SPTSSA: variants seen among roughly 807,000 people sequenced by gnomAD.
SPTSSA encodes serine palmitoyltransferase small subunit A, also known as small subunit of serine palmitoyltransferase A.
In SPTSSA, 8 loss-of-function variants were observed where a neutral mutation model predicts 9.1. The observed-to-expected ratio is 0.88, with a 90% CI of 0.51 to 1.58. SPTSSA has a LOEUF of 1.58. Among genes scored for constraint, SPTSSA ranks in the 40% most tolerant of loss-of-function variants. The pLI, the probability that SPTSSA is intolerant of heterozygous loss-of-function variation, is 0.00. For missense variants in SPTSSA, 100 were observed against 93.8 expected, an observed-to-expected ratio of 1.07 and a Z score of -0.27; for synonymous variants, 42 against 37.7, an observed-to-expected ratio of 1.11 and a Z score of -0.41.
chr14:34,444,947 C>T (rs1883394826), intron 1 of SPTSSA, among the ~76,000 whole-genome samples: 1 of 151,212 alleles, frequency 6.6e-6, no homozygotes, highest in Admixed American at 6.6e-5. Context: ...TAAAAGTTAG[C>T]CAGGCGTGGT....
At chr14:34,457,970 G>GAAAAAAAAAAA (rs1566427256) in intron 1 of SPTSSA, among the ~76,000 whole-genome samples, 1 of 83,358 alleles carries the variant, frequency 1.2e-5, no homozygotes, top group African/African-American at 4.8e-5. Context: ...AGACTGTCTC[G>GAAAAAAAAAAA]GAAAAAAAAA....
At chr14:34,456,670 G>A (rs1037272651) in intron 1 of SPTSSA, among the ~76,000 whole-genome samples, 9 of 152,012 alleles carry the variant, frequency 5.9e-5, no homozygotes, top group Non-Finnish European at 1.0e-4. Context: ...GGCTGAGGCA[G>A]GCAGATCACC....
At chr14:34,461,889 C>G (rs1878624568) in intron 1 of SPTSSA, among the ~76,000 whole-genome samples, 4 of 152,008 alleles carry the variant, frequency 2.6e-5, no homozygotes, top group Admixed American at 2.6e-4. Context: ...CCCCGGATCT[C>G]AAGAGTTCTC....
At chr14:34,457,478 G>A (rs1343021901) in intron 1 of SPTSSA, among the ~76,000 whole-genome samples, 1 of 152,154 alleles carries the variant, frequency 6.6e-6, no homozygotes, top group Non-Finnish European at 1.5e-5. Flanking sequence ...CTCAGTCTAT[G>A]GTAGGTCTCC....
At chr14:34,436,840 G>GA (rs1356633901) in intron 1 of SPTSSA, among the ~76,000 whole-genome samples, 3 of 151,784 alleles carry the variant, frequency 2.0e-5, no homozygotes, top group African/African-American at 7.3e-5. Flanking sequence ...AACAAGAGCA[G>GA]AAAGTCTTTC....
intron 1 of SPTSSA, among the ~76,000 whole-genome samples, chr14:34,444,137 T>C (rs2138822951): frequency 6.6e-6 from 1 of 152,324 alleles, no homozygotes; most frequent in African/African-American, 2.4e-5. Context: ...AATCAAATAT[T>C]TTGTCAGAAA....
intron 1 of SPTSSA, among the ~76,000 whole-genome samples, chr14:34,454,964 G>A (rs914796189): frequency 3.3e-5 from 5 of 152,024 alleles, no homozygotes; most frequent in Non-Finnish European, 5.9e-5. Flanking sequence ...GCAGGCACCT[G>A]TAATCCCAGC....
intron 1 of SPTSSA, among the ~76,000 whole-genome samples, chr14:34,459,883 A>G (rs921654496): frequency 2.0e-5 from 3 of 152,214 alleles, no homozygotes; most frequent in Non-Finnish European, 4.4e-5. Flanking sequence ...AAATTTCTCT[A>G]AATTTTAGGT....
chr14:34,458,663 A>ATTTTTT (rs35426259), intron 1 of SPTSSA, among the ~76,000 whole-genome samples: 23 of 89,638 alleles, frequency 2.6e-4, no homozygotes, highest in African/African-American at 1.1e-3. Flanking sequence ...CACTCAGCTA[A>ATTTTTT]TTTTTTTTTT....
At chr14:34,456,015 G>A (rs945489534) in intron 1 of SPTSSA, among the ~76,000 whole-genome samples, 2 of 150,862 alleles carry the variant, frequency 1.3e-5, no homozygotes. Flanking sequence ...AGTTGCTACT[G>A]AAAATAACAT....
chr14:34,442,850 T>G (rs1883340922), intron 1 of SPTSSA, among the ~76,000 whole-genome samples: 1 of 152,126 alleles, frequency 6.6e-6, no homozygotes, highest in African/African-American at 2.4e-5. Flanking sequence ...TTCCTTGGAT[T>G]ATCTCTTGGG....
intron 1 of SPTSSA, among the ~76,000 whole-genome samples, chr14:34,446,798 T>C (rs111628754): frequency 0.011 from 1,657 of 152,294 alleles, 32 homozygotes; most frequent in African/African-American, 0.038. Flanking sequence ...TTAAATTCTC[T>C]TGTGAAAGTT....
At chr14:34,444,093 T>A (rs1283952911) in intron 1 of SPTSSA, among the ~76,000 whole-genome samples, 1 of 151,196 alleles carries the variant, frequency 6.6e-6, no homozygotes, top group Non-Finnish European at 1.5e-5. Context: ...CTGTAAAGTT[T>A]TAAATTAATT....
intron 1 of SPTSSA, among the ~76,000 whole-genome samples, chr14:34,438,222 C>T (rs1022019648): frequency 1.3e-5 from 2 of 152,134 alleles, no homozygotes; most frequent in African/African-American, 4.8e-5. Context: ...TCCCTCATAA[C>T]TTAAACAACT....
chr14:34,442,955 G>GGTGTGTGT (rs958490338), intron 1 of SPTSSA, among the ~76,000 whole-genome samples: 8 of 124,234 alleles, frequency 6.4e-5, no homozygotes, highest in African/African-American at 1.9e-4. Flanking sequence ...TGTCTAGGGG[G>GGTGTGTGT]GTGTGTGTGT....
rs1425231517 is a variant in SPTSSA at position 34,462,177 on chromosome 14, T to A, written c.31A>T (p.Lys11Ter). 1.3e-6 allele frequency: 2 copies of A among 1,532,370 alleles called. No homozygotes were observed. The highest frequency in any genetic ancestry group is 1.8e-6 in the Non-Finnish European group (2 of 1,135,712). The allele number at this position is 1,532,370 out of a possible 1,614,324, so 94.9% of individuals were successfully genotyped here. The part of the protein sequence containing the change: MAGMALARAW[K>*]QMSWFYYQYL... ...TGGTAGTAGAACCAGGACATCTGCT[T>A]CCAGGCCCGCGCCAGCGCCATCCCC... Residue 11 changes from lysine (K) to a stop codon, truncating the protein, a stop_gained, in exon 1 of 2, where the codon AAG becomes TAG. Coordinates refer to ENST00000298130, the MANE Select transcript of SPTSSA (RefSeq NM_138288.4). LOFTEE classifies it high-confidence loss of function.
At chr14:34,454,036 C>T (rs577098196) in intron 1 of SPTSSA, among the ~76,000 whole-genome samples, 1 of 152,172 alleles carries the variant, frequency 6.6e-6, no homozygotes. Flanking sequence ...AAAAATTAAT[C>T]AGGCATGGTG....
At chr14:34,451,735 A>C (rs1414440137) in intron 1 of SPTSSA, among the ~76,000 whole-genome samples, 4 of 151,636 alleles carry the variant, frequency 2.6e-5, no homozygotes, top group African/African-American at 9.7e-5. Context: ...AAAAAAAAAA[A>C]AAATCAATTC....
intron 1 of SPTSSA, among the ~76,000 whole-genome samples, chr14:34,448,186 G>A (rs1473476288): frequency 6.6e-6 from 1 of 151,988 alleles, no homozygotes; most frequent in Non-Finnish European, 1.5e-5. Context: ...AACTCGGGAG[G>A]TGGAGGTTGC....
Sources: gnomAD v4.1 joint callset for allele counts (sites outside exome capture counted in the v4.1 genomes callset) on GRCh38, gnomAD v4.1.1 for gene constraint, MANE v1.5 for transcripts, NCBI Gene and HGNC (gene_info 2026-07-23, HGNC 2026-07-21) for gene names.